RGS3: variants seen among roughly 807,000 people sequenced by gnomAD.
RGS3 encodes the protein regulator of G protein signaling 3.
Under a neutral mutation model 132.6 loss-of-function variants are expected in RGS3, and 80 were observed. The ratio of observed to expected loss-of-function variants is 0.60; its 90% confidence interval spans 0.50 to 0.73. The LOEUF is 0.73. Ranked by LOEUF, RGS3 falls within the 30% of genes least tolerant of loss-of-function variation. The probability of loss-of-function intolerance (pLI) is 0.00; values close to 1 mark genes in which losing one functional copy is unlikely to be tolerated. For missense variants in RGS3, 1,382 were observed against 1,530.8 expected (o/e 0.90, Z 1.62); for synonymous variants, 598 against 620.6 (o/e 0.96, Z 0.54).
intron 16 of RGS3, among the ~76,000 whole-genome samples, chr9:113,519,257 T>C (rs1344558462): frequency 1.3e-5 from 2 of 152,064 alleles, no homozygotes; most frequent in African/African-American, 4.8e-5. Flanking sequence ...ACACTGCTTC[T>C]GGCATGTCTG....
intron 16 of RGS3, chr9:113,522,680 T>C (rs1459473214): frequency 1.0e-5 from 5 of 499,674 alleles, no homozygotes; most frequent in African/African-American, 9.7e-5. Flanking sequence ...ACTTTTCCCC[T>C]TCTGTTTGCT....
At position 113,463,108 on chromosome 9, in the gene RGS3, G is replaced by A. The variant is rs890562395; in HGVS notation, c.415+907G>A. On this transcript the variant is annotated intron_variant, in intron 3 of 24. Transcript: ENST00000350696. This position sits in a 1 kb window ranked among gnomAD's most constrained non-coding sequence, Gnocchi z 4.6. The stretch of plus-strand genomic sequence containing the variant: ...TCAGAGGCTGTGGGCCTGTCCTGCT[G>A]TCCGATGGCATCAGGCTGTGGGACG... 2.0e-5 allele frequency among the ~76,000 whole-genome samples: 3 copies of A among 152,186 alleles called. No individual in the cohort carries two copies. Among genetic ancestry groups the A allele is most frequent in the African/African-American group, 7.2e-5 (3 of 41,454 alleles).
At chr9:113,495,735 C>A in intron 7 of RGS3, 51 bp from the exon 6 acceptor site, 1 of 1,516,208 alleles carries the variant, frequency 6.6e-7, no homozygotes, top group Non-Finnish European at 9.2e-7. Context: ...ATGGACCTCC[C>A]GATAGAGCCC....
chr9:113,503,499 G>A (rs1830998258), intron 10 of RGS3: 1 of 152,286 alleles, frequency 6.6e-6, no homozygotes, highest in Non-Finnish European at 1.5e-5. Flanking sequence ...CACTTCTTAA[G>A]CTGGTGCCCA....
chr9:113,472,444 G>A (rs1829863166), intron 3 of RGS3, among the ~76,000 whole-genome samples: 1 of 152,202 alleles, frequency 6.6e-6, no homozygotes, highest in South Asian at 2.1e-4. Context: ...TGGCCACAAA[G>A]GGACTAAAAT....
rs766015006 is a variant in RGS3 at position 113,583,761 on chromosome 9, T to G, written c.2349T>G (p.Pro783=). ...ACCTCTCACCCTGCCAGGACCTACC[T>G]GCTGGTCAAGAACCCCTGCCTCACC... Residue 783 remains proline, a synonymous_variant, in exon 20 of 25, where the codon CCT becomes CCG. Coordinates refer to ENST00000350696, the Ensembl canonical transcript of RGS3. The G allele has an allele frequency of 1.9e-6, 3 of 1,614,094 alleles. No individual in the cohort carries two copies. The Admixed American group carries it at 5.0e-5, about 27-fold the overall frequency.
chr9:113,536,500 C>T (rs1323320800), intron 18 of RGS3: 22 of 1,081,106 alleles, frequency 2.0e-5, no homozygotes, highest in African/African-American at 3.3e-5. Context: ...CTGGGGGTGA[C>T]CTCATCGGCT....
rs532144628 is a variant in RGS3 at position 113,543,962 on chromosome 9, G to T, written c.2037+7044G>T. 2.6e-5 allele frequency among the ~76,000 whole-genome samples: 4 copies of T among 152,330 alleles called. No homozygotes were observed. In the East Asian group the frequency reaches 7.7e-4, roughly 29 times the overall value. ...TCGAACAATTAATTTGGCTCCACAGGCTCGAGAAGATGAAACATGACCTGA... is the reference window on the plus strand; with the variant it reads ...TCGAACAATTAATTTGGCTCCACAGTCTCGAGAAGATGAAACATGACCTGA... On this transcript the variant is annotated intron_variant, in intron 19 of 24. Coordinates refer to ENST00000350696, the Ensembl canonical transcript of RGS3.
rs1341534501 is a variant in RGS3, at chr9:113,537,881, C to T, written c.2037+963C>T. On this transcript the variant is annotated intron_variant, in intron 19 of 24. Transcript: ENST00000350696. This position sits in a 1 kb window ranked among gnomAD's most constrained non-coding sequence, Gnocchi z 4.3. ...TCTTCTGAGGGCCAGAGGTGGACAG[C>T]AGCTCCCCAGCTATTCCCGAAAGGA... Among the ~76,000 whole-genome samples, 4 of 152,194 alleles carry T rather than the reference C, an allele frequency of 2.6e-5. No individual in the cohort carries two copies. Among genetic ancestry groups the T allele is most frequent in the Admixed American group, 2.6e-4 (4 of 15,286 alleles).
chr9:113,506,291 C>T lies in RGS3; in HGVS notation c.980-97C>T. 3 of 707,172 alleles carry T rather than the reference C, an allele frequency of 4.2e-6. No homozygotes were observed. The highest frequency in any genetic ancestry group is 7.4e-6 in the Non-Finnish European group (3 of 407,978). 43.8% of individuals were successfully genotyped at this position (707,172 alleles called of 1,614,324 possible). On this transcript the variant is annotated intron_variant, in intron 11 of 24. Transcript: ENST00000350696. This position sits in a 1 kb window ranked among gnomAD's most constrained non-coding sequence, Gnocchi z 4.7. The stretch of plus-strand genomic sequence containing the variant: ...AAGAAACTTAGAGAAAAAGGGAGGT[C>T]CTTGTCTGAGGTCACCATGGCAGCA...
chr9:113,510,171 G>A (rs1413677573), intron 14 of RGS3, among the ~76,000 whole-genome samples: 1 of 151,464 alleles, frequency 6.6e-6, no homozygotes, highest in Non-Finnish European at 1.5e-5. Context: ...CCCATGTATC[G>A]TTGAGAACAT....
chr9:113,555,974 AG>A (rs1311027713), intron 19 of RGS3, among the ~76,000 whole-genome samples: 1 of 152,126 alleles, frequency 6.6e-6, no homozygotes, highest in African/African-American at 2.4e-5. Flanking sequence ...TTTTCCAGAA[AG>A]GGTCTGTGGG....
intron 1 of RGS3, among the ~76,000 whole-genome samples, chr9:113,445,728 G>A (rs184645323): frequency 1.3e-5 from 2 of 152,294 alleles, no homozygotes; most frequent in African/African-American, 2.4e-5. Context: ...GCCCAGGCTG[G>A]AGGGCGGTGG....
At chr9:113,450,092 C>CA (rs1829205810) in intron 1 of RGS3, among the ~76,000 whole-genome samples, 1 of 148,650 alleles carries the variant, frequency 6.7e-6, no homozygotes, top group South Asian at 2.1e-4. Context: ...TTTTTTGAGA[C>CA]AGAGTCTCGC....
At chr9:113,538,847 C>G (rs1832789191) in intron 19 of RGS3, among the ~76,000 whole-genome samples, 1 of 152,204 alleles carries the variant, frequency 6.6e-6, no homozygotes, top group African/African-American at 2.4e-5. Context: ...ACCTCCCGGG[C>G]CTAAGAACTG....
At chr9:113,477,117 C>T (rs1830018544) in intron 3 of RGS3, among the ~76,000 whole-genome samples, 1 of 152,136 alleles carries the variant, frequency 6.6e-6, no homozygotes, top group Non-Finnish European at 1.5e-5. Context: ...AGTAATTGCT[C>T]AGACTTTGAG....
At chr9:113,575,660 C>G (rs558125388) in intron 19 of RGS3, among the ~76,000 whole-genome samples, 1 of 152,286 alleles carries the variant, frequency 6.6e-6, no homozygotes, top group South Asian at 2.1e-4. Flanking sequence ...TATCACTTCC[C>G]TTCTCTGGGC....
intron 7 of RGS3, among the ~76,000 whole-genome samples, chr9:113,486,504 C>G (rs1368167651): frequency 6.6e-6 from 1 of 152,172 alleles, no homozygotes; most frequent in East Asian, 1.9e-4. Flanking sequence ...TAGAGCGGAG[C>G]AGGGGAGGAG....
chr9:113,455,119 G>A (rs1427620941), intron 1 of RGS3, among the ~76,000 whole-genome samples: 4 of 152,126 alleles, frequency 2.6e-5, no homozygotes, highest in Admixed American at 6.6e-5. Flanking sequence ...AGTCTCTCCC[G>A]GGAATAAGCT....
Sources: gnomAD v4.1 joint callset for allele counts (sites outside exome capture counted in the v4.1 genomes callset) on GRCh38, gnomAD v4.1.1 for gene constraint, Gnocchi (gnomAD v3.1) non-coding constraint, MANE v1.5 for transcripts, NCBI Gene and HGNC (gene_info 2026-07-23, HGNC 2026-07-21) for gene names.